The following EPB41L3 variants were observed in gnomAD, a reference collection of about 807,000 sequenced individuals.
EPB41L3 encodes band 4.1-like protein 3.
In EPB41L3, 57 loss-of-function variants were observed where a neutral mutation model predicts 127.1. The ratio of observed to expected loss-of-function variants is 0.45; its 90% CI spans 0.36 to 0.56. The LOEUF is 0.56. Ranked by LOEUF, EPB41L3 falls within the 20% of genes least tolerant of loss-of-function variation. The pLI, the probability that EPB41L3 is intolerant of heterozygous loss-of-function variation, is 0.00. For missense variants in EPB41L3, 1,273 were observed against 1,372.2 expected (o/e 0.93, Z 1.14); for synonymous variants, 572 against 549.5 (o/e 1.04, Z -0.57).
chr18:5,624,018 T>A (rs1169602905), intron 1 of EPB41L3, among the ~76,000 whole-genome samples: 1 of 152,126 alleles, frequency 6.6e-6, no homozygotes, highest in Non-Finnish European at 1.5e-5. Context: ...ACTTTTTTTT[T>A]AAGAAAGGGT....
intron 2 of EPB41L3, among the ~76,000 whole-genome samples, chr18:5,612,596 C>T (rs2094740503): frequency 6.6e-6 from 1 of 152,120 alleles, no homozygotes; most frequent in Non-Finnish European, 1.5e-5. Flanking sequence ...TTTGTATTGG[C>T]CGAAGAGAAC....
At chr18:5,516,513 T>C (rs1157190586) in intron 1 of EPB41L3, among the ~76,000 whole-genome samples, 1 of 152,214 alleles carries the variant, frequency 6.6e-6, no homozygotes, top group Non-Finnish European at 1.5e-5. Context: ...CCATCTTTAA[T>C]GGACAGTGTT....
intron 3 of EPB41L3, among the ~76,000 whole-genome samples, chr18:5,605,981 C>A (rs570890664): frequency 6.6e-6 from 1 of 152,014 alleles, no homozygotes; most frequent in Non-Finnish European, 1.5e-5. Context: ...CTTCCAGGGA[C>A]GCTAATGGCA....
intron 3 of EPB41L3, among the ~76,000 whole-genome samples, chr18:5,598,787 G>C (rs2094561077): frequency 6.6e-6 from 1 of 152,190 alleles, no homozygotes; most frequent in Non-Finnish European, 1.5e-5. Flanking sequence ...CCTTGTTGCA[G>C]CTATTCTCTC....
intron 3 of EPB41L3, among the ~76,000 whole-genome samples, chr18:5,566,004 T>C (rs1291536659): frequency 6.6e-6 from 1 of 152,010 alleles, no homozygotes; most frequent in Non-Finnish European, 1.5e-5. Flanking sequence ...CCACAGCCAA[T>C]ATCATACTGA....
chr18:5,574,503 A>G (rs1242796674), intron 3 of EPB41L3, among the ~76,000 whole-genome samples: 1 of 150,848 alleles, frequency 6.6e-6, no homozygotes, highest in African/African-American at 2.4e-5. Flanking sequence ...AATCTTCCTA[A>G]TTTGATTCCC....
At chr18:5,499,615 A>C (rs1357204428) in intron 1 of EPB41L3, among the ~76,000 whole-genome samples, 3 of 151,664 alleles carry the variant, frequency 2.0e-5, no homozygotes, top group Non-Finnish European at 4.4e-5. Flanking sequence ...AAATACAAAA[A>C]AATTAGCCGG....
At chr18:5,475,561 T>A (rs544387841) in intron 3 of EPB41L3, among the ~76,000 whole-genome samples, 1 of 152,234 alleles carries the variant, frequency 6.6e-6, no homozygotes, top group African/African-American at 2.4e-5. Flanking sequence ...TTTTGACAAC[T>A]GTAACACACT....
chr18:5,451,054 G>T (rs537601980), intron 3 of EPB41L3, among the ~76,000 whole-genome samples: 10 of 152,190 alleles, frequency 6.6e-5, no homozygotes, highest in Admixed American at 5.9e-4. Context: ...ATTCCAGACT[G>T]CAAAATGGTG....
intron 12 of EPB41L3, among the ~76,000 whole-genome samples, chr18:5,418,199 C>A (rs2077052505): frequency 6.6e-6 from 1 of 152,276 alleles, no homozygotes; most frequent in Admixed American, 6.5e-5. Flanking sequence ...GACATTCTGC[C>A]CAGAGTGCTG....
At chr18:5,502,728 C>T (rs531056079) in intron 1 of EPB41L3, among the ~76,000 whole-genome samples, 1 of 152,314 alleles carries the variant, frequency 6.6e-6, no homozygotes, top group African/African-American at 2.4e-5. Context: ...TCTGTCTGTC[C>T]TGGAAAGTGT....
chr18:5,439,624 A>G lies in EPB41L3; in HGVS notation c.530-1514T>C, dbSNP rs148026156. 7.8e-3 allele frequency among the ~76,000 whole-genome samples: 1,186 copies of G among 152,350 alleles called. 11 individuals are homozygous for G. Among genetic ancestry groups the G allele is most frequent in the African/African-American group, 0.027 (1,109 of 41,586 alleles). On this transcript the variant is annotated intron_variant, in intron 5 of 22. Coordinates refer to ENST00000341928, the MANE Select transcript of EPB41L3 (RefSeq NM_012307.5). ...AGGACCAGGCATTAGTGGGAACTTA[A>G]TATCATTTTTAAACCATTCAAAATA...
chr18:5,400,654 T>G, intron 16 of EPB41L3: 1 of 485,950 alleles, frequency 2.1e-6, no homozygotes, highest in South Asian at 1.6e-5. Flanking sequence ...TCATCTAAAT[T>G]AGCACGACTC....
chr18:5,451,797 T>A lies in EPB41L3; in HGVS notation c.382-6553A>T, dbSNP rs146494150. ...ACATGTCAATGTCCAGGCCCCTATC[T>A]CAGGTCAATTAAATTGGAATTTCTG... On this transcript the variant is annotated intron_variant, in intron 3 of 22. Coordinates refer to ENST00000341928, the MANE Select transcript of EPB41L3 (RefSeq NM_012307.5). 4.6e-3 allele frequency among the ~76,000 whole-genome samples: 706 copies of A among 152,326 alleles called. 5 individuals are homozygous for A. Among genetic ancestry groups the A allele is most frequent in the African/African-American group, 0.016 (675 of 41,566 alleles).
At chr18:5,441,594 T>G (rs1176343414) in intron 5 of EPB41L3, among the ~76,000 whole-genome samples, 1 of 151,820 alleles carries the variant, frequency 6.6e-6, no homozygotes, top group South Asian at 2.1e-4. Context: ...GCCTCCCGAG[T>G]AGCTGGGACT....
upstream of EPB41L3, among the ~76,000 whole-genome samples, chr18:5,546,939 A>T (rs530866983): frequency 6.6e-6 from 1 of 152,332 alleles, no homozygotes; most frequent in South Asian, 2.1e-4. Flanking sequence ...ATAATGAACT[A>T]AGCTGTCACT....
intron 3 of EPB41L3, among the ~76,000 whole-genome samples, chr18:5,608,344 A>G (rs1018339475): frequency 6.6e-6 from 1 of 152,190 alleles, no homozygotes; most frequent in Non-Finnish European, 1.5e-5. Context: ...CAACGTATAC[A>G]TGCAAAAAAA....
chr18:5,527,412 G>A (rs577935615), intron 1 of EPB41L3, among the ~76,000 whole-genome samples: 1 of 152,178 alleles, frequency 6.6e-6, no homozygotes, highest in African/African-American at 2.4e-5. Flanking sequence ...AGACTGAGCT[G>A]CAATTTTCCC....
intron 3 of EPB41L3, among the ~76,000 whole-genome samples, chr18:5,550,239 A>G (rs1331469107): frequency 1.3e-5 from 2 of 152,204 alleles, no homozygotes; most frequent in African/African-American, 4.8e-5. Context: ...ACATTTTGGT[A>G]TACCATACTT....
Sources: allele counts gnomAD v4.1 joint callset (sites outside exome capture counted in the v4.1 genomes callset), GRCh38; gene constraint gnomAD v4.1.1; transcripts MANE v1.5; gene names NCBI Gene and HGNC (gene_info 2026-07-23, HGNC 2026-07-21).